The following OR2T10 variants were observed in gnomAD, a reference collection of about 807,000 sequenced individuals.
The protein encoded by OR2T10 is olfactory receptor family 2 subfamily T member 10.
For missense variants in OR2T10, 335 were observed against 382.5 expected, an observed-to-expected ratio of 0.88 and a Z score of 1.04; for synonymous variants, 125 against 141.8, an observed-to-expected ratio of 0.88 and a Z score of 0.84.
In OR2T10 at chr1:248,591,593, C is replaced by T. The variant is rs1406457587; in HGVS notation, c.*1237G>A. 14 of 143,592 alleles carry T rather than the reference C, an allele frequency of 9.7e-5. 5 individuals carry two copies. The highest frequency in any genetic ancestry group is 4.4e-4 in the South Asian group (2 of 4,584). 8.9% of individuals were successfully genotyped at this position (143,592 alleles called of 1,614,324 possible). ...AACATTCCGAAGAGAGGGAAAGCCA[C>T]GTGAAAACATTGGGTATGGAAAGAA... On this transcript the variant is annotated 3_prime_UTR_variant, in exon 2 of 2. Transcript: ENST00000642090.
rs376460894 is a variant in OR2T10 at position 248,594,555 on chromosome 1, G to A, written c.-28-759C>T. The stretch of plus-strand genomic sequence containing the variant: ...AATTTCCATCAAGATGTTCTAATCC[G>A]TTGTGTTTCTGCCAATCTTTCAAGA... On this transcript the variant is annotated intron_variant, in intron 1 of 1. Transcript: ENST00000642090. Among the ~76,000 whole-genome samples the A allele has an allele frequency of 4.2e-5, 6 of 142,086 alleles. 1 individual carries two copies. Among genetic ancestry groups the A allele is most frequent in the South Asian group, 4.4e-4 (2 of 4,526 alleles). 93.2% of individuals were successfully genotyped at this position (142,086 alleles called of 152,430 possible).
At chr1:248,594,402 TACA>T (rs1660061751) in intron 1 of OR2T10, among the ~76,000 whole-genome samples, 1 of 143,996 alleles carries the variant, frequency 6.9e-6, no homozygotes, top group South Asian at 2.2e-4. Context: ...AAGACACTAG[TACA>T]ACTTGTAAAT....
Position 248,594,951 on chromosome 1 carries a change from G to A in OR2T10, c.-28-1155C>T, listed in dbSNP as rs1187651831. The A allele has an allele frequency of 1.4e-5, 2 of 143,480 alleles. 1 individual carries two copies. The highest frequency in any genetic ancestry group is 5.5e-5 in the African/African-American group (2 of 36,346). The allele number at this position is 143,480 out of a possible 1,614,324, so 8.9% of individuals were successfully genotyped here. ...AAAGACTACTCAAGTGCACTAGTGA[G>A]AAGGGAGGAAAATGTAGAACAAGGA... On this transcript the variant is annotated intron_variant, in intron 1 of 1. Transcript: ENST00000642090.
intron 1 of OR2T10, among the ~76,000 whole-genome samples, chr1:248,595,360 CTT>C (rs1660075910): frequency 7.0e-6 from 1 of 143,238 alleles, no homozygotes; most frequent in Non-Finnish European, 1.5e-5. Flanking sequence ...CTTATGTAAC[CTT>C]TTACATTGTA....
At chr1:248,597,026 CA>C (rs1282441487) in intron 1 of OR2T10, among the ~76,000 whole-genome samples, 1 of 143,420 alleles carries the variant, frequency 7.0e-6, no homozygotes, top group Non-Finnish European at 1.5e-5. Context: ...CTCCGATTTT[CA>C]GAGGAAAAAA....
chr1:248,593,753 G>A lies in OR2T10; in HGVS notation c.16C>T (p.Gln6Ter), dbSNP rs148939348. 6.4e-7 allele frequency: 1 copy of A among 1,555,628 alleles called. No individual in the cohort carries two copies. The highest frequency in any genetic ancestry group is 1.5e-5 in the African/African-American group (1 of 65,286). The part of the protein sequence containing the change: MRLAN[Q>*]TLGGDFFLLG... ...AGGAAAAAGTCACCACCCAGGGTCTGGTTGGCCAGCCGCATGCTGTATGAT... is the reference window on the plus strand; with the variant it reads ...AGGAAAAAGTCACCACCCAGGGTCTAGTTGGCCAGCCGCATGCTGTATGAT... The change falls in exon 2 of 2, where the codon CAG (glutamine) becomes TAG (stop). Residue 6 changes from glutamine to a stop codon, truncating the protein, a stop_gained. Coordinates refer to ENST00000642090, the MANE Select transcript of OR2T10 (RefSeq NM_001004693.2). LOFTEE classifies it low-confidence loss of function (END_TRUNC).
rs1426634551 is a variant in OR2T10, at chr1:248,590,894, A to C, written c.*1936T>G. On this transcript the variant is annotated 3_prime_UTR_variant, in exon 2 of 2. Coordinates refer to ENST00000642090, the MANE Select transcript of OR2T10 (RefSeq NM_001004693.2). ...GTATATTACATTAAAATTATTGCTA[A>C]GTCAATATTGATTATGACTCATTTA... is the stretch of plus-strand genomic sequence containing the variant. 4 of 143,520 alleles carry C rather than the reference A, an allele frequency of 2.8e-5. No individual in the cohort carries two copies. Among genetic ancestry groups the C allele is most frequent in the South Asian group, 2.2e-4 (1 of 4,552 alleles). The allele number at this position is 143,520 out of a possible 1,614,324, so 8.9% of individuals were successfully genotyped here. A position where few individuals can be genotyped will look rare whatever the true frequency, so the allele number is the denominator to read the frequency against.
In OR2T10 at chr1:248,591,804, T is replaced by C. The variant is rs1164746420; in HGVS notation, c.*1026A>G. 2.1e-5 allele frequency: 3 copies of C among 144,096 alleles called. No individual in the cohort carries two copies. In the East Asian group the frequency reaches 6.0e-4, roughly 29 times the overall value. The allele number at this position is 144,096 out of a possible 1,614,324, so 8.9% of individuals were successfully genotyped here. ...CTGCACACCCTTTTGTTCATGTTAC[T>C]CAAACCCATGGGTTTCAGTTAAATC... On this transcript the variant is annotated 3_prime_UTR_variant, in exon 2 of 2. Coordinates refer to ENST00000642090, the MANE Select transcript of OR2T10 (RefSeq NM_001004693.2).
intron 1 of OR2T10, among the ~76,000 whole-genome samples, chr1:248,595,930 C>A (rs1660083301): frequency 7.0e-6 from 1 of 143,148 alleles, no homozygotes; most frequent in African/African-American, 2.8e-5. Flanking sequence ...AGCAGAGAAT[C>A]AGGTAAACCG....
rs1479417078 is a variant in OR2T10, at chr1:248,591,788, C to CT, written c.*1041dup. On this transcript the variant is annotated 3_prime_UTR_variant, in exon 2 of 2. Transcript: ENST00000642090. ...TTGAGCACTTTATAAGCTGCACACC[C>CT]TTTTGTTCATGTTACTCAAACCCAT... The CT allele has an allele frequency of 2.8e-5, 4 of 143,774 alleles. 1 individual carries two copies. Among genetic ancestry groups the CT allele is most frequent in the Non-Finnish European group, 6.0e-5 (4 of 66,336 alleles). 8.9% of individuals were successfully genotyped at this position (143,774 alleles called of 1,614,324 possible). A position where few individuals can be genotyped will look rare whatever the true frequency, so the allele number is the denominator to read the frequency against.
chr1:248,595,730 A>G lies in OR2T10; in HGVS notation c.-29+1762T>C, dbSNP rs567886274. ...TGGAGCAGAAAGTAATTTTCTAAGT[A>G]TAAAGGCAAAATAAATAATTCCCAA... On this transcript the variant is annotated intron_variant, in intron 1 of 1. Coordinates refer to ENST00000642090, the MANE Select transcript of OR2T10 (RefSeq NM_001004693.2). Among the ~76,000 whole-genome samples, 3 of 143,732 alleles carry G rather than the reference A, an allele frequency of 2.1e-5. No individual in the cohort carries two copies. In the South Asian group the frequency reaches 6.6e-4, roughly 31 times the overall value. The allele number at this position is 143,732 out of a possible 152,430, so 94.3% of individuals were successfully genotyped here.
In OR2T10 at chr1:248,595,674, T is replaced by C. The variant is rs1300427542; in HGVS notation, c.-29+1818A>G. Among the ~76,000 whole-genome samples, 2 of 143,546 alleles carry C rather than the reference T, an allele frequency of 1.4e-5. 1 individual carries two copies. Among genetic ancestry groups the C allele is most frequent in the Non-Finnish European group, 3.0e-5 (2 of 66,336 alleles). The allele number at this position is 143,546 out of a possible 152,430, so 94.2% of individuals were successfully genotyped here. ...CAAATGGTAGATTTTAGTCAATTAA[T>C]AAATTACTAGACTAATAAACTATAT... On this transcript the variant is annotated intron_variant, in intron 1 of 1. Coordinates refer to ENST00000642090, the MANE Select transcript of OR2T10 (RefSeq NM_001004693.2).
rs1660018777 is a variant in OR2T10 at position 248,592,150 on chromosome 1, G to T, written c.*680C>A. 1 of 143,598 alleles carries T rather than the reference G, an allele frequency of 7.0e-6. No homozygotes were observed. Among genetic ancestry groups the T allele is most frequent in the Non-Finnish European group, 1.5e-5 (1 of 66,288 alleles). The allele number at this position is 143,598 out of a possible 1,614,324, so 8.9% of individuals were successfully genotyped here. ...TAGCCCATGTCTCTGCTCTAATTTT[G>T]GGAGGTTTGACTTCTTATATGCTCA... On this transcript the variant is annotated 3_prime_UTR_variant, in exon 2 of 2. Transcript: ENST00000642090.
Position 248,593,773 on chromosome 1 carries a change from T to A in OR2T10, c.-5A>T. ...GGTCTGGTTGGCCAGCCGCATGCTG[T>A]ATGATCGGCTGAAGTGGCTTTACCT... On this transcript the variant is annotated 5_prime_UTR_variant, in exon 2 of 2. Transcript: ENST00000642090. 1 of 1,492,826 alleles carries A rather than the reference T, an allele frequency of 6.7e-7. No individual in the cohort carries two copies. The allele number at this position is 1,492,826 out of a possible 1,614,324, so 92.5% of individuals were successfully genotyped here. A position where few individuals can be genotyped will look rare whatever the true frequency, so the allele number is the denominator to read the frequency against.
In OR2T10 at chr1:248,593,410, T is replaced by C. The variant is rs553465753; in HGVS notation, c.359A>G (p.Tyr120Cys). Residue 120 changes from tyrosine to cysteine, a missense_variant, in exon 2 of 2, where the codon TAT becomes TGT. Coordinates refer to ENST00000642090, the MANE Select transcript of OR2T10 (RefSeq NM_001004693.2). ...AECCLLAAMA[Y>C]DRYVAICHPL... ...ATGGCAGATAGCCACATAGCGGTCA[T>C]AGGCCATGGCGGCTAGAAGGCAGCA... The C allele has an allele frequency of 2.5e-6, 4 of 1,571,574 alleles. 1 individual carries two copies. The highest frequency in any genetic ancestry group is 3.0e-5 in the African/African-American group (2 of 66,332).
chr1:248,592,040 G>A lies in OR2T10; in HGVS notation c.*790C>T, dbSNP rs1444167718. On this transcript the variant is annotated 3_prime_UTR_variant, in exon 2 of 2. Transcript: ENST00000642090. ...TCACCATTGGCTTGAACAGGGAGAA[G>A]TGTGCGAAACTTCCATATTTCTCTG... 6.9e-5 allele frequency: 10 copies of A among 143,944 alleles called. No homozygotes were observed. Among genetic ancestry groups the A allele is most frequent in the Admixed American group, 6.8e-4 (10 of 14,788 alleles). 8.9% of individuals were successfully genotyped at this position (143,944 alleles called of 1,614,324 possible). A position where few individuals can be genotyped will look rare whatever the true frequency, so the allele number is the denominator to read the frequency against.
rs1236653457 is a variant in OR2T10 at position 248,595,523 on chromosome 1, A to G, written c.-28-1727T>C. ...CATTTTGTTTTAGAAATACTTAGCA[A>G]AGGACACAGAAAGCATAAGAGTAAA... On this transcript the variant is annotated intron_variant, in intron 1 of 1. Transcript: ENST00000642090. Among the ~76,000 whole-genome samples the G allele has an allele frequency of 2.1e-5, 3 of 143,256 alleles. 1 individual carries two copies. The highest frequency in any genetic ancestry group is 5.5e-5 in the African/African-American group (2 of 36,458). The allele number at this position is 143,256 out of a possible 152,430, so 94.0% of individuals were successfully genotyped here.
intron 1 of OR2T10, 96 bp downstream of exon 1, chr1:248,597,396 T>TG (rs1264541349): frequency 4.2e-5 from 6 of 143,064 alleles, no homozygotes; most frequent in African/African-American, 1.6e-4. Flanking sequence ...TAAATATATA[T>TG]TAACTGTTAC....
rs1660053806 is a variant in OR2T10 at position 248,593,852 on chromosome 1, GT to G, written c.-28-57del. ...TCATGTGTGTACCACGTAAAAGTAT[GT>G]TTGCTTCACTTTACCTTTTAAAAAT... On this transcript the variant is annotated intron_variant, in intron 1 of 1. Transcript: ENST00000642090. The G allele has an allele frequency of 2.9e-6, 2 of 694,146 alleles. 1 individual carries two copies. Among genetic ancestry groups the G allele is most frequent in the Admixed American group, 5.6e-5 (2 of 35,834 alleles). 43.0% of individuals were successfully genotyped at this position (694,146 alleles called of 1,614,324 possible).
Sources: allele counts gnomAD v4.1 joint callset (sites outside exome capture counted in the v4.1 genomes callset), GRCh38; gene constraint gnomAD v4.1.1; transcripts MANE v1.5; gene names NCBI Gene and HGNC (gene_info 2026-07-23, HGNC 2026-07-21).